SNX11: variants seen among roughly 807,000 people sequenced by gnomAD.
The protein encoded by SNX11 is sorting nexin 11, also known as sorting nexin-11.
In SNX11, 19 loss-of-function variants were observed where a neutral mutation model predicts 30.7. The observed-to-expected ratio is 0.62, with a 90% confidence interval of 0.43 to 0.91. SNX11 has a LOEUF of 0.91. Ranked by LOEUF, SNX11 falls within the 40% of genes least tolerant of loss-of-function variation. The probability of loss-of-function intolerance (pLI) is 0.00; values close to 1 mark genes in which losing one functional copy is unlikely to be tolerated. For missense variants in SNX11, 302 were observed against 326.7 expected (o/e 0.92, Z 0.58); for synonymous variants, 112 against 119.0 (o/e 0.94, Z 0.38).
rs1008369393 is a variant in SNX11, at chr17:48,123,520, G to A, written c.*2012G>A. Among the ~76,000 whole-genome samples the A allele has an allele frequency of 2.0e-5, 3 of 152,138 alleles. No homozygotes were observed. Among genetic ancestry groups the A allele is most frequent in the Non-Finnish European group, 4.4e-5 (3 of 68,040 alleles). ...TTCTGCCAGCCGGCTAGGCTGCTGG[G>A]ACAGCAGGAGCCATTCAAAGACATG... On this transcript the variant is annotated 3_prime_UTR_variant, in exon 7 of 7. Coordinates refer to ENST00000359238, the MANE Select transcript of SNX11 (RefSeq NM_013323.3).
chr17:48,117,519 A>C (rs1266290290), intron 4 of SNX11, among the ~76,000 whole-genome samples: 2 of 148,836 alleles, frequency 1.3e-5, no homozygotes, highest in African/African-American at 4.9e-5. Flanking sequence ...GGCCTCCCAA[A>C]GTGCTGGGAT....
At chr17:48,118,420 A>T (rs1298531327) in intron 4 of SNX11, among the ~76,000 whole-genome samples, 1 of 152,118 alleles carries the variant, frequency 6.6e-6, no homozygotes, top group Non-Finnish European at 1.5e-5. Flanking sequence ...TCTATTAAAA[A>T]TACAAAAAAT....
rs973480123 is a variant in SNX11, at chr17:48,121,842, C to T, written c.*334C>T. On this transcript the variant is annotated 3_prime_UTR_variant, in exon 7 of 7. Coordinates refer to ENST00000359238, the MANE Select transcript of SNX11 (RefSeq NM_013323.3). Reference sequence around the variant, plus strand: ...CCTCAGGTGACCAGTTTTGGGGACCCGTATGTGGCAAATTCTAAGCTGCCA... The same window carrying T: ...CCTCAGGTGACCAGTTTTGGGGACCTGTATGTGGCAAATTCTAAGCTGCCA... 1.7e-5 allele frequency: 4 copies of T among 241,456 alleles called. No individual in the cohort carries two copies. Among genetic ancestry groups the T allele is most frequent in the Admixed American group, 5.0e-5 (1 of 19,830 alleles). 15.0% of individuals were successfully genotyped at this position (241,456 alleles called of 1,614,324 possible).
At chr17:48,110,108 A>G (rs567132809) in intron 1 of SNX11, among the ~76,000 whole-genome samples, 1 of 152,246 alleles carries the variant, frequency 6.6e-6, no homozygotes, top group Admixed American at 6.5e-5. Context: ...AGTTTATCCA[A>G]TGCCTGCAAA....
At chr17:48,117,038 ATTTTC>A (rs921278908) in intron 4 of SNX11, among the ~76,000 whole-genome samples, 2 of 149,102 alleles carry the variant, frequency 1.3e-5, no homozygotes, top group East Asian at 2.0e-4. Context: ...TGCCCTACTA[ATTTTC>A]TTTTCTTTTC....
At chr17:48,113,564 G>GCC in intron 4 of SNX11, 163 bp downstream of exon 4, 1 of 275,198 alleles carries the variant, frequency 3.6e-6, no homozygotes, top group Non-Finnish European at 6.5e-6. Flanking sequence ...TTTTTTTTTT[G>GCC]ATGTAGGGTC....
At chr17:48,119,950 A>C (rs988887821) in intron 6 of SNX11, among the ~76,000 whole-genome samples, 9 of 151,918 alleles carry the variant, frequency 5.9e-5, no homozygotes, top group Admixed American at 5.9e-4. Flanking sequence ...GGCAACCACT[A>C]GTCTACTTTC....
rs561720365 is a variant in SNX11, at chr17:48,121,843, G to T, written c.*335G>T. 1.1e-4 allele frequency: 27 copies of T among 242,294 alleles called. No individual in the cohort carries two copies. Among genetic ancestry groups the T allele is most frequent in the Admixed American group, 1.0e-3 (20 of 19,868 alleles). The allele number at this position is 242,294 out of a possible 1,614,324, so 15.0% of individuals were successfully genotyped here. The stretch of plus-strand genomic sequence containing the variant: ...CTCAGGTGACCAGTTTTGGGGACCC[G>T]TATGTGGCAAATTCTAAGCTGCCAT... On this transcript the variant is annotated 3_prime_UTR_variant, in exon 7 of 7. Transcript: ENST00000359238.
Position 48,123,466 on chromosome 17 carries a change from T to A in SNX11, c.*1958T>A, listed in dbSNP as rs1054507830. On this transcript the variant is annotated 3_prime_UTR_variant, in exon 7 of 7. Coordinates refer to ENST00000359238, the MANE Select transcript of SNX11 (RefSeq NM_013323.3). ...TTGGCCTTCTTCTGTTTGCTCCTTTTCTTCCTGGAGTTGGTGCTCAGCAGC... is the reference window on the plus strand; with the variant it reads ...TTGGCCTTCTTCTGTTTGCTCCTTTACTTCCTGGAGTTGGTGCTCAGCAGC... Among the ~76,000 whole-genome samples, 3 of 152,170 alleles carry A rather than the reference T, an allele frequency of 2.0e-5. No individual in the cohort carries two copies. Among genetic ancestry groups the A allele is most frequent in the African/African-American group, 7.2e-5 (3 of 41,518 alleles).
intron 4 of SNX11, among the ~76,000 whole-genome samples, chr17:48,117,141 G>A (rs1391751068): frequency 1.3e-5 from 2 of 151,180 alleles, no homozygotes; most frequent in East Asian, 2.0e-4. Context: ...CACAACCTCC[G>A]CCTCCCAGGT....
chr17:48,110,934 C>T (rs1292544400), intron 1 of SNX11, among the ~76,000 whole-genome samples: 1 of 152,152 alleles, frequency 6.6e-6, no homozygotes, highest in East Asian at 1.9e-4. Context: ...TGAGTAACCC[C>T]GTGCTGCAGC....
At chr17:48,121,201 A>G (rs1214186703) in intron 6 of SNX11, 34 bp from the exon 7 acceptor site, 9 of 1,611,740 alleles carry the variant, frequency 5.6e-6, no homozygotes, top group Non-Finnish European at 7.6e-6. Flanking sequence ...CAAGCTGTTC[A>G]TACCTTTCTT....
chr17:48,114,542 C>T (rs549250776), intron 4 of SNX11, among the ~76,000 whole-genome samples: 118 of 150,816 alleles, frequency 7.8e-4, no homozygotes, highest in Non-Finnish European at 1.4e-3. Context: ...ACTGCAACCT[C>T]CGCCTCCCGG....
At chr17:48,108,217 CTT>C (rs1351333811) in intron 1 of SNX11, among the ~76,000 whole-genome samples, 1 of 152,158 alleles carries the variant, frequency 6.6e-6, no homozygotes, top group Non-Finnish European at 1.5e-5. Flanking sequence ...ACACGGGAGA[CTT>C]GGCGGTAGAT....
intron 4 of SNX11, among the ~76,000 whole-genome samples, chr17:48,115,069 T>TC: frequency 6.7e-6 from 1 of 148,284 alleles, no homozygotes; most frequent in East Asian, 2.0e-4. Context: ...TTTTTCTTTT[T>TC]TTTTTTTTTT....
chr17:48,121,342 C>A lies in SNX11; in HGVS notation c.647C>A (p.Pro216His), dbSNP rs139068089. 10 of 1,614,062 alleles carry A rather than the reference C, an allele frequency of 6.2e-6. No homozygotes were observed. Among genetic ancestry groups the A allele is most frequent in the Non-Finnish European group, 8.5e-6 (10 of 1,180,032 alleles). ...GCTCCAGTTGTTGACTCTGAGGTTC[C>A]TTCCTTGGAAAGTCCCACTCTCCCA... ...VWAPVVDSEVPSLESPTLPPL... is the reference protein window; with the variant it reads ...VWAPVVDSEVHSLESPTLPPL... Residue 216 changes from proline to histidine, a missense_variant, in exon 7 of 7, where the codon CCT becomes CAT. By Grantham distance (77) the Pro-to-His change is moderately conservative (BLOSUM62 -2). Transcript: ENST00000359238.
At chr17:48,110,963 G>A (rs2063486365) in intron 1 of SNX11, 1 of 314,320 alleles carries the variant, frequency 3.2e-6, no homozygotes, top group Non-Finnish European at 4.6e-6. Context: ...TCCCCTTGTC[G>A]GAGTGGGTGA....
At chr17:48,115,332 G>C (rs1208807188) in intron 4 of SNX11, among the ~76,000 whole-genome samples, 1 of 152,184 alleles carries the variant, frequency 6.6e-6, no homozygotes, top group Non-Finnish European at 1.5e-5. Flanking sequence ...AAAGTGCTGG[G>C]ATTACAGGCG....
Position 48,123,298 on chromosome 17 carries a change from T to C in SNX11, c.*1790T>C, listed in dbSNP as rs937700499. Among the ~76,000 whole-genome samples the C allele has an allele frequency of 6.6e-6, 1 of 152,154 alleles. No homozygotes were observed. The highest frequency in any genetic ancestry group is 6.5e-5 in the Admixed American group (1 of 15,276). ...TCTGCCGATTGGTGGGGATGGCTCA[T>C]GAATATTAATGAGCCCAATGCTCCA... On this transcript the variant is annotated 3_prime_UTR_variant, in exon 7 of 7. Coordinates refer to ENST00000359238, the MANE Select transcript of SNX11 (RefSeq NM_013323.3).
Sources: gnomAD v4.1 joint callset for allele counts (sites outside exome capture counted in the v4.1 genomes callset) on GRCh38, gnomAD v4.1.1 for gene constraint, MANE v1.5 for transcripts, NCBI Gene and HGNC (gene_info 2026-07-23, HGNC 2026-07-21) for gene names.